The following CCDC42 variants were observed in gnomAD, a reference collection of about 807,000 sequenced individuals.
CCDC42 encodes coiled-coil domain containing 42, also known as coiled-coil domain-containing protein 42.
CCDC42 carries 38 observed loss-of-function variants against 40.8 expected under a neutral mutation model. The observed-to-expected ratio is 0.93, with a 90% confidence interval of 0.72 to 1.22. The LOEUF (loss-of-function observed/expected upper bound fraction) is 1.22, where lower values mean the gene tolerates loss of function less well. CCDC42 is among the 50% of genes most tolerant of loss of function. CCDC42 has a pLI of 0.00. For synonymous variants in CCDC42, 135 were observed against 157.5 expected (o/e 0.86, Z 1.07); for missense variants, 379 against 416.5 (o/e 0.91, Z 0.78).
intron 4 of CCDC42, among the ~76,000 whole-genome samples, chr17:8,740,022 A>C (rs1373102252): frequency 1.3e-5 from 2 of 152,124 alleles, no homozygotes; most frequent in Non-Finnish European, 2.9e-5. Context: ...TTTGATATGG[A>C]AATTGTGGGA....
chr17:8,733,757 G>A (rs1028771417), intron 6 of CCDC42, among the ~76,000 whole-genome samples: 1 of 152,204 alleles, frequency 6.6e-6, no homozygotes, highest in East Asian at 1.9e-4. Flanking sequence ...CAAAAGTGCT[G>A]GGATTACAGG....
chr17:8,741,620 C>T lies in CCDC42; in HGVS notation c.346G>A (p.Glu116Lys), dbSNP rs1166707448. The T allele has an allele frequency of 1.2e-6, 2 of 1,614,100 alleles. No homozygotes were observed. Among genetic ancestry groups the T allele is most frequent in the Non-Finnish European group, 1.7e-6 (2 of 1,180,036 alleles). ...RAMKKANKER[E>K]LKCQHMQELT... The stretch of plus-strand genomic sequence containing the variant: ...TCCTGCATGTGCTGGCACTTGAGTT[C>T]TCGCTCCTTGTTGGCTTTCTTCATG... The change falls in exon 4 of 7, where the codon GAA (glutamate) becomes AAA (lysine). Residue 116 changes from glutamate to lysine, a missense_variant. Glu to Lys is a moderately conservative substitution (Grantham distance 56). Transcript: ENST00000293845.
In CCDC42 at chr17:8,735,344, A is replaced by G. The variant is rs373057677; in HGVS notation, c.714+46T>C. 9.3e-6 allele frequency: 15 copies of G among 1,610,778 alleles called. No homozygotes were observed. In the African/African-American group the frequency reaches 1.9e-4, roughly 20 times the overall value. On this transcript the variant is annotated intron_variant, in intron 5 of 6. Transcript: ENST00000293845. This position sits in a 1 kb window ranked among gnomAD's most constrained non-coding sequence, Gnocchi z 4.7. ...GTGTGTGTGTATGCTCAGGGCCCGC[A>G]CTCACCCAGTGCCTGGGAGCCCCCG...
At chr17:8,738,794 A>C (rs1176127460) in intron 4 of CCDC42, among the ~76,000 whole-genome samples, 2 of 152,196 alleles carry the variant, frequency 1.3e-5, no homozygotes, top group African/African-American at 4.8e-5. Flanking sequence ...CAGAATACTC[A>C]AATAAAAAGT....
chr17:8,734,652 T>C (rs2086599295), intron 6 of CCDC42, among the ~76,000 whole-genome samples: 1 of 152,144 alleles, frequency 6.6e-6, no homozygotes, highest in South Asian at 2.1e-4. Context: ...CCACCGTGCC[T>C]GGCCCCAATT....
At chr17:8,732,934 C>T (rs1326466400) in intron 6 of CCDC42, among the ~76,000 whole-genome samples, 5 of 152,160 alleles carry the variant, frequency 3.3e-5, no homozygotes. Flanking sequence ...CTGTGTACCA[C>T]GTTCCTTGTT....
Position 8,744,497 on chromosome 17 carries a change from G to A in CCDC42, c.83+30C>T, listed in dbSNP as rs1168178570. ...GGTGTGAGTGGTCCCAGGCACAGAG[G>A]GGTGGGCAAGCCAGGCCTCAGACAC... On this transcript the variant is annotated intron_variant, in intron 1 of 6. Coordinates refer to ENST00000293845, the MANE Select transcript of CCDC42 (RefSeq NM_144681.3). 1.3e-5 allele frequency: 21 copies of A among 1,583,184 alleles called. No individual in the cohort carries two copies. In the Admixed American group the frequency reaches 3.2e-4, roughly 24 times the overall value.
At position 8,744,304 on chromosome 17, in the gene CCDC42, G is replaced by A. The variant is rs76581464; in HGVS notation, c.84-120C>T. On this transcript the variant is annotated intron_variant, in intron 1 of 6. Coordinates refer to ENST00000293845, the MANE Select transcript of CCDC42 (RefSeq NM_144681.3). ...CAGAGGGGCCTCTCTCCCTTTCCGA[G>A]GGAAAGGGCTGTTGTGTTGAGAAGC... 1,400 of 790,890 alleles carry A rather than the reference G, an allele frequency of 1.8e-3. 13 individuals are homozygous for A. In the African/African-American group the frequency reaches 0.02, roughly 11 times the overall value. The allele number at this position is 790,890 out of a possible 1,614,324, so 49.0% of individuals were successfully genotyped here. A position where few individuals can be genotyped will look rare whatever the true frequency, so the allele number is the denominator to read the frequency against.
At chr17:8,740,749 G>A (rs918609271) in intron 4 of CCDC42, among the ~76,000 whole-genome samples, 2 of 152,158 alleles carry the variant, frequency 1.3e-5, no homozygotes, top group African/African-American at 4.8e-5. Context: ...ACTGCAGGGA[G>A]AGCCCTCATC....
intron 6 of CCDC42, 85 bp from the exon 7 acceptor site, chr17:8,730,292 T>A: frequency 1.2e-6 from 1 of 839,246 alleles, no homozygotes; most frequent in Non-Finnish European, 1.9e-6. Context: ...CATTCACTTG[T>A]AAAGAATTCA....
rs563851813 is a variant in CCDC42 at position 8,738,327 on chromosome 17, A to G, written c.493-2716T>C. ...GAAAGTGTGGGGGATGTGACTATGAATTAATCATTATTAGAATCAGGTAAT... is the reference window on the plus strand; with the variant it reads ...GAAAGTGTGGGGGATGTGACTATGAGTTAATCATTATTAGAATCAGGTAAT... On this transcript the variant is annotated intron_variant, in intron 4 of 6. Transcript: ENST00000293845. Among the ~76,000 whole-genome samples the G allele has an allele frequency of 7.2e-5, 11 of 152,324 alleles. No individual in the cohort carries two copies. The South Asian group carries it at 2.3e-3, about 32-fold the overall frequency.
intron 6 of CCDC42, among the ~76,000 whole-genome samples, chr17:8,734,713 A>G (rs1024305920): frequency 1.4e-4 from 21 of 152,114 alleles, no homozygotes; most frequent in Admixed American, 9.2e-4. Context: ...AGCAAGCCAC[A>G]GTATCTCACT....
In CCDC42 at chr17:8,743,680, G is replaced by T; in HGVS notation, c.240C>A (p.Gly80=). ...GAGCCTTCAGTTGGGCTTCCTTAAC[G>T]CCCAGTTCCTCCCAGCGCAGGTTCA... ...ETLNLRWEEL[G]VKEAQLKAHI... Residue 80 remains glycine, a synonymous_variant, in exon 3 of 7, where the codon GGC becomes GGA. Transcript: ENST00000293845. The T allele has an allele frequency of 2.5e-6, 4 of 1,613,074 alleles. No individual in the cohort carries two copies. The highest frequency in any genetic ancestry group is 3.4e-6 in the Non-Finnish European group (4 of 1,179,156).
chr17:8,743,140 G>T (rs1006065819), intron 3 of CCDC42, among the ~76,000 whole-genome samples: 1 of 152,206 alleles, frequency 6.6e-6, no homozygotes, highest in Non-Finnish European at 1.5e-5. Flanking sequence ...GACGATTAAA[G>T]TGCTCCACTA....
In CCDC42 at chr17:8,735,738, G is replaced by A. The variant is rs2086608162; in HGVS notation, c.493-127C>T. ...CCTGGGCAGGCAGGCCCTTGGCCAG[G>A]GTCACGGCCAGAGGCTGTGAGGGAC... is the stretch of plus-strand genomic sequence containing the variant. On this transcript the variant is annotated intron_variant, in intron 4 of 6. Transcript: ENST00000293845. This position sits in a 1 kb window ranked among gnomAD's most constrained non-coding sequence, Gnocchi z 4.7. 4 of 735,800 alleles carry A rather than the reference G, an allele frequency of 5.4e-6. No individual in the cohort carries two copies. The South Asian group carries it at 5.6e-5, about 10-fold the overall frequency. The allele number at this position is 735,800 out of a possible 1,614,324, so 45.6% of individuals were successfully genotyped here.
chr17:8,743,760 G>T, intron 2 of CCDC42, 30 bp from the exon 3 acceptor site: 1 of 1,301,976 alleles, frequency 7.7e-7, no homozygotes, highest in Non-Finnish European at 1.1e-6. Flanking sequence ...GAGCAGAGAG[G>T]TCAGGAGGGC....
intron 6 of CCDC42, 151 bp downstream of exon 6, chr17:8,734,945 T>G (rs2086600634): frequency 1.3e-6 from 1 of 755,544 alleles, no homozygotes; most frequent in East Asian, 2.7e-5. Flanking sequence ...GGCCCAGTAA[T>G]ACTCCTCACC....
chr17:8,741,399 T>C (rs2086642483), intron 4 of CCDC42, 75 bp downstream of exon 4: 4 of 1,431,202 alleles, frequency 2.8e-6, no homozygotes, highest in Non-Finnish European at 2.0e-6. Flanking sequence ...TTCCATCCCA[T>C]GGCCCCAGGC....
intron 6 of CCDC42, 112 bp downstream of exon 6, chr17:8,734,984 T>G: frequency 1.7e-6 from 2 of 1,177,468 alleles, no homozygotes; most frequent in South Asian, 1.4e-5. Flanking sequence ...GTTGTTAAAT[T>G]TTGAGAGTCC....
Sources: gnomAD v4.1 joint callset for allele counts (sites outside exome capture counted in the v4.1 genomes callset) on GRCh38, gnomAD v4.1.1 for gene constraint, Gnocchi (gnomAD v3.1) non-coding constraint, MANE v1.5 for transcripts, NCBI Gene and HGNC (gene_info 2026-07-23, HGNC 2026-07-21) for gene names.